Variants in MAML2 observed in about 807,000 individuals in gnomAD.
The protein encoded by MAML2 is mastermind-like protein 2.
MAML2 carries 22 observed loss-of-function variants against 96.1 expected under a neutral mutation model. That is an observed-to-expected ratio of 0.23 (90% CI 0.16 to 0.33). The LOEUF is 0.33. Ranked by LOEUF, MAML2 falls within the 10% of genes least tolerant of loss-of-function variation. MAML2 has a pLI of 1.00. For missense variants in MAML2, 1,367 were observed against 1,392.4 expected, an observed-to-expected ratio of 0.98 and a Z score of 0.29; for synonymous variants, 561 against 521.3, an observed-to-expected ratio of 1.08 and a Z score of -1.04.
At chr11:96,215,361 C>T (rs1409764987) in intron 1 of MAML2, among the ~76,000 whole-genome samples, 1 of 152,222 alleles carries the variant, frequency 6.6e-6, no homozygotes, top group African/African-American at 2.4e-5. Context: ...TTAACACCAG[C>T]ATATAACACA....
intron 1 of MAML2, among the ~76,000 whole-genome samples, chr11:96,154,494 T>C (rs1860979049): frequency 6.6e-6 from 1 of 152,194 alleles, no homozygotes; most frequent in African/African-American, 2.4e-5. Context: ...AGTCTTCCCT[T>C]TAGAACTTGT....
At chr11:96,055,833 G>A (rs889925889) in intron 2 of MAML2, among the ~76,000 whole-genome samples, 4 of 152,184 alleles carry the variant, frequency 2.6e-5, no homozygotes, top group African/African-American at 4.8e-5. Flanking sequence ...AGATCACTTT[G>A]TCTAAAGAAA....
intron 1 of MAML2, among the ~76,000 whole-genome samples, chr11:96,330,017 G>A (rs1863832612): frequency 6.6e-6 from 1 of 152,228 alleles, no homozygotes; most frequent in Non-Finnish European, 1.5e-5. Context: ...TACAAAGGGA[G>A]TGACATCTTT....
At chr11:96,076,965 G>C (rs1008831838) in intron 2 of MAML2, among the ~76,000 whole-genome samples, 7 of 151,958 alleles carry the variant, frequency 4.6e-5, no homozygotes. Context: ...TTTTACAATA[G>C]CAAAATTGGG....
intron 1 of MAML2, among the ~76,000 whole-genome samples, chr11:96,164,458 G>T (rs77462093): frequency 0.011 from 1,616 of 152,274 alleles, 14 homozygotes; most frequent in African/African-American, 0.023. Context: ...AGAGTCCTAT[G>T]GCACCTGATA....
chr11:96,279,766 C>CTCT (rs1863040177), intron 1 of MAML2, among the ~76,000 whole-genome samples: 1 of 152,136 alleles, frequency 6.6e-6, no homozygotes, highest in Non-Finnish European at 1.5e-5. Flanking sequence ...AGCTTTAAAG[C>CTCT]CACCCTCCTG....
At chr11:96,010,629 G>C (rs1858252522) in intron 2 of MAML2, among the ~76,000 whole-genome samples, 1 of 152,146 alleles carries the variant, frequency 6.6e-6, no homozygotes, top group African/African-American at 2.4e-5. Context: ...GAGAACAATA[G>C]AGACACATAG....
chr11:96,190,163 AT>A (rs1370719220), intron 1 of MAML2, among the ~76,000 whole-genome samples: 1 of 152,182 alleles, frequency 6.6e-6, no homozygotes, highest in African/African-American at 2.4e-5. Context: ...AAATGTGGAC[AT>A]TTGATGTGAG....
intron 2 of MAML2, among the ~76,000 whole-genome samples, chr11:96,084,567 C>T (rs7934610): frequency 4.1e-3 from 630 of 152,286 alleles, no homozygotes; most frequent in African/African-American, 0.014. Flanking sequence ...ATAACTCCAG[C>T]GGCTACATGT....
chr11:96,088,011 A>G (rs1859645695), intron 2 of MAML2, among the ~76,000 whole-genome samples: 1 of 152,198 alleles, frequency 6.6e-6, no homozygotes, highest in African/African-American at 2.4e-5. Context: ...GCCAATTTGG[A>G]AACAATTTTC....
At chr11:96,045,911 T>TC (rs951506906) in intron 2 of MAML2, among the ~76,000 whole-genome samples, 15 of 151,980 alleles carry the variant, frequency 9.9e-5, no homozygotes, top group African/African-American at 3.6e-4. Flanking sequence ...TGTTTTTTTT[T>TC]TTTTTTTCCC....
At chr11:96,157,566 T>G (rs146721411) in intron 1 of MAML2, among the ~76,000 whole-genome samples, 1 of 152,278 alleles carries the variant, frequency 6.6e-6, no homozygotes, top group East Asian at 1.9e-4. Context: ...TCATGGAGTA[T>G]GCATGAAAAT....
chr11:96,225,849 A>G (rs1455788234), intron 1 of MAML2, among the ~76,000 whole-genome samples: 2 of 152,100 alleles, frequency 1.3e-5, no homozygotes, highest in Non-Finnish European at 2.9e-5. Flanking sequence ...AAAAAATTAG[A>G]TAACCAATAC....
chr11:96,043,426 A>G (rs960281508), intron 2 of MAML2, among the ~76,000 whole-genome samples: 1 of 152,164 alleles, frequency 6.6e-6, no homozygotes, highest in Admixed American at 6.5e-5. Flanking sequence ...TGAGAAAAAA[A>G]CTCTGCCATC....
At chr11:95,984,577 T>G (rs1163052311) in intron 4 of MAML2, among the ~76,000 whole-genome samples, 1 of 152,214 alleles carries the variant, frequency 6.6e-6, no homozygotes, top group Admixed American at 6.5e-5. Context: ...CACGTGCGAC[T>G]GAGCCCAGCT....
At chr11:95,990,894 T>C (rs1400691242) in intron 3 of MAML2, among the ~76,000 whole-genome samples, 5 of 152,084 alleles carry the variant, frequency 3.3e-5, no homozygotes, top group Admixed American at 2.0e-4. Flanking sequence ...ATGAAGAGTG[T>C]GTGGGAAACA....
intron 1 of MAML2, among the ~76,000 whole-genome samples, chr11:96,286,242 C>T (rs1381240990): frequency 6.6e-6 from 1 of 152,162 alleles, no homozygotes; most frequent in African/African-American, 2.4e-5. Context: ...CCAAGCACTG[C>T]ATTTTCTCAC....
At chr11:96,131,258 CT>C (rs1350555625) in intron 1 of MAML2, among the ~76,000 whole-genome samples, 1 of 151,662 alleles carries the variant, frequency 6.6e-6, no homozygotes, top group Admixed American at 6.6e-5. Context: ...ATATATGCAC[CT>C]GAAAACAGAG....
intron 1 of MAML2, among the ~76,000 whole-genome samples, chr11:96,094,674 T>C (rs893702264): frequency 6.6e-6 from 1 of 152,178 alleles, no homozygotes; most frequent in African/African-American, 2.4e-5. Flanking sequence ...ACATAAAGCA[T>C]TCATCATTCG....
Sources: gnomAD v4.1 joint callset for allele counts (sites outside exome capture counted in the v4.1 genomes callset) on GRCh38, gnomAD v4.1.1 for gene constraint, MANE v1.5 for transcripts, NCBI Gene and HGNC (gene_info 2026-07-23, HGNC 2026-07-21) for gene names.